The following FILIP1L variants were observed in gnomAD, a reference collection of about 807,000 sequenced individuals.
FILIP1L encodes filamin A-interacting protein 1-like.
Under a neutral mutation model 96.6 loss-of-function variants are expected in FILIP1L, and 55 were observed. The ratio of observed to expected loss-of-function variants is 0.57; its 90% CI spans 0.46 to 0.71. The LOEUF is 0.71. Among genes scored for constraint, FILIP1L ranks in the 30% least tolerant of loss-of-function variants. FILIP1L has a pLI of 0.00. For missense variants in FILIP1L, 1,304 were observed against 1,321.2 expected (o/e 0.99, Z 0.20); for synonymous variants, 467 against 473.9 (o/e 0.99, Z 0.19).
intron 1 of FILIP1L, among the ~76,000 whole-genome samples, chr3:99,980,078 G>A (rs1004744731): frequency 2.0e-5 from 3 of 152,144 alleles, no homozygotes; most frequent in African/African-American, 7.2e-5. Flanking sequence ...ATTAGAGGGT[G>A]TGCCTTAGAA....
At chr3:99,978,892 A>T (rs964234357) in intron 1 of FILIP1L, among the ~76,000 whole-genome samples, 48 of 152,218 alleles carry the variant, frequency 3.2e-4, no homozygotes, top group African/African-American at 1.2e-3. Context: ...TTTACAAAAA[A>T]AAAAGAAGCA....
chr3:100,088,860 C>CT (rs972098130), intron 1 of FILIP1L, among the ~76,000 whole-genome samples: 4 of 151,768 alleles, frequency 2.6e-5, no homozygotes, highest in African/African-American at 4.8e-5. Context: ...ATTTAGTGAG[C>CT]TTTTTTTTCC....
At chr3:99,999,390 A>G (rs868437151) in intron 1 of FILIP1L, among the ~76,000 whole-genome samples, 1 of 152,174 alleles carries the variant, frequency 6.6e-6, no homozygotes, top group South Asian at 2.1e-4. Flanking sequence ...GGTGTGCAAT[A>G]GTAGTTGTAT....
intron 1 of FILIP1L, among the ~76,000 whole-genome samples, chr3:99,993,258 ATT>A (rs1709575692): frequency 2.0e-5 from 3 of 152,072 alleles, no homozygotes; most frequent in Admixed American, 1.3e-4. Flanking sequence ...TTTTAATAAT[ATT>A]GATTCTTCAA....
intron 1 of FILIP1L, among the ~76,000 whole-genome samples, chr3:100,045,706 G>C (rs2065268663): frequency 6.6e-6 from 1 of 152,150 alleles, no homozygotes; most frequent in Admixed American, 6.6e-5. Context: ...TATTCTTCTG[G>C]TAACATTATT....
chr3:99,834,748 A>G (rs1942827353), intron 5 of FILIP1L, among the ~76,000 whole-genome samples: 1 of 152,094 alleles, frequency 6.6e-6, no homozygotes, highest in East Asian at 1.9e-4. Flanking sequence ...CTTACATCTT[A>G]TAACAGCCTT....
intron 1 of FILIP1L, among the ~76,000 whole-genome samples, chr3:99,935,587 A>G (rs1707637808): frequency 6.6e-6 from 1 of 152,224 alleles, no homozygotes; most frequent in Non-Finnish European, 1.5e-5. Context: ...AACAAGGACC[A>G]AGGATTGTTT....
At chr3:100,009,273 A>G (rs527262358) in intron 1 of FILIP1L, among the ~76,000 whole-genome samples, 2 of 152,194 alleles carry the variant, frequency 1.3e-5, no homozygotes, top group East Asian at 3.9e-4. Context: ...AGTTCAATTT[A>G]TTTTCCTGTT....
At chr3:99,845,959 C>T (rs1168405736) in intron 5 of FILIP1L, among the ~76,000 whole-genome samples, 2 of 152,154 alleles carry the variant, frequency 1.3e-5, no homozygotes, top group Non-Finnish European at 2.9e-5. Flanking sequence ...AAATCTGGAA[C>T]AAATGATTAA....
chr3:100,014,170 G>A (rs967557560), intron 1 of FILIP1L, among the ~76,000 whole-genome samples: 18 of 150,650 alleles, frequency 1.2e-4, no homozygotes, highest in Admixed American at 1.0e-3. Flanking sequence ...TGTAAACCCT[G>A]AATAGTAGTA....
At chr3:100,090,361 C>T (rs942095452) in intron 1 of FILIP1L, among the ~76,000 whole-genome samples, 1 of 152,208 alleles carries the variant, frequency 6.6e-6, no homozygotes, top group African/African-American at 2.4e-5. Context: ...GCTGGGAATG[C>T]AAGCATGGGA....
chr3:100,069,973 C>CT (rs1011550101), intron 1 of FILIP1L, among the ~76,000 whole-genome samples: 1 of 151,930 alleles, frequency 6.6e-6, no homozygotes, highest in Non-Finnish European at 1.5e-5. Flanking sequence ...TATTTTTCTC[C>CT]TTTTTTTTCC....
At chr3:99,836,411 G>A (rs899317759) in intron 5 of FILIP1L, among the ~76,000 whole-genome samples, 2 of 152,204 alleles carry the variant, frequency 1.3e-5, no homozygotes, top group African/African-American at 4.8e-5. Flanking sequence ...TAAGTTTGAA[G>A]TGTATAGTTG....
intron 4 of FILIP1L, among the ~76,000 whole-genome samples, chr3:99,859,332 T>C (rs1944126989): frequency 6.6e-6 from 1 of 152,252 alleles, no homozygotes; most frequent in South Asian, 2.1e-4. Context: ...ATACTTACAG[T>C]ATTCTCCCAG....
chr3:99,830,352 G>A lies in FILIP1L; in HGVS notation c.*62C>T, dbSNP rs1036684055. 3.0e-5 allele frequency: 11 copies of A among 362,258 alleles called. No homozygotes were observed. Among genetic ancestry groups the A allele is most frequent in the African/African-American group, 2.3e-4 (11 of 47,104 alleles). The allele number at this position is 362,258 out of a possible 1,614,324, so 22.4% of individuals were successfully genotyped here. ...GATGGTCCTTTGGCCTTTCATAGTGGTAATTTTAGCTTTCCACATATTTCT... is the reference window on the plus strand; with the variant it reads ...GATGGTCCTTTGGCCTTTCATAGTGATAATTTTAGCTTTCCACATATTTCT... On this transcript the variant is annotated 3_prime_UTR_variant, in exon 6 of 6. Transcript: ENST00000477258.
chr3:99,950,771 C>G (rs985837922), intron 1 of FILIP1L, among the ~76,000 whole-genome samples: 3 of 152,152 alleles, frequency 2.0e-5, no homozygotes, highest in Non-Finnish European at 4.4e-5. Flanking sequence ...GCTTTGTGCT[C>G]ATTGAATATG....
chr3:99,991,642 C>G (rs1709512785), intron 1 of FILIP1L, among the ~76,000 whole-genome samples: 1 of 151,910 alleles, frequency 6.6e-6, no homozygotes, highest in African/African-American at 2.4e-5. Flanking sequence ...GTCTGTTATT[C>G]TACTCTGTAT....
chr3:99,968,267 C>CA (rs1001475911), intron 1 of FILIP1L, among the ~76,000 whole-genome samples: 2 of 151,684 alleles, frequency 1.3e-5, no homozygotes, highest in Non-Finnish European at 2.9e-5. Context: ...CTTCTTTGAA[C>CA]AAAAAAATGG....
At chr3:100,091,908 G>A (rs1290776803) in intron 1 of FILIP1L, among the ~76,000 whole-genome samples, 3 of 152,170 alleles carry the variant, frequency 2.0e-5, no homozygotes, top group Non-Finnish European at 4.4e-5. Flanking sequence ...TAACATGGTG[G>A]TTAAGAACTC....
Sources: allele counts gnomAD v4.1 joint callset (sites outside exome capture counted in the v4.1 genomes callset), GRCh38; gene constraint gnomAD v4.1.1; transcripts MANE v1.5; gene names NCBI Gene and HGNC (gene_info 2026-07-23, HGNC 2026-07-21).